Variants in PCDH15 observed in about 807,000 individuals in gnomAD.
PCDH15 encodes the protein protocadherin related 15.
Under a neutral mutation model 178.5 loss-of-function variants are expected in PCDH15, and 129 were observed. The observed-to-expected ratio is 0.72, with a 90% CI of 0.63 to 0.84. PCDH15 has a LOEUF of 0.84. Among genes scored for constraint, PCDH15 ranks in the 40% least tolerant of loss-of-function variants. PCDH15 has a pLI of 0.00. For missense variants in PCDH15, 2,230 were observed against 2,099.9 expected, an observed-to-expected ratio of 1.06 and a Z score of -1.21; for synonymous variants, 800 against 732.0, an observed-to-expected ratio of 1.09 and a Z score of -1.50.
At chr10:53,980,709 G>T (rs983969074) in intron 21 of PCDH15, among the ~76,000 whole-genome samples, 3 of 152,152 alleles carry the variant, frequency 2.0e-5, no homozygotes, top group African/African-American at 7.2e-5. Context: ...GTTTAAAGAG[G>T]TTAATTAACT....
intron 3 of PCDH15, among the ~76,000 whole-genome samples, chr10:54,477,377 C>G (rs746470254): frequency 6.6e-6 from 1 of 152,068 alleles, no homozygotes; most frequent in Non-Finnish European, 1.5e-5. Flanking sequence ...GGTTGGGCAT[C>G]CCTATTAGTG....
chr10:54,290,511 C>T (rs188484800), intron 8 of PCDH15, among the ~76,000 whole-genome samples: 55 of 152,274 alleles, frequency 3.6e-4, no homozygotes, highest in Non-Finnish European at 5.9e-4. Context: ...AACCAGCGAA[C>T]ATCATAATGA....
In PCDH15 at chr10:54,675,202, T is replaced by C. The variant is rs968440629; in HGVS notation, c.-28-10912A>G. Among the ~76,000 whole-genome samples the C allele has an allele frequency of 3.9e-5, 6 of 152,164 alleles. No homozygotes were observed. In the East Asian group the frequency reaches 1.2e-3, roughly 29 times the overall value. ...TAAATTCAAACTGCCTGTATAATATTGTATCCTATTAAAATGATACAGACA... is the reference window on the plus strand; with the variant it reads ...TAAATTCAAACTGCCTGTATAATATCGTATCCTATTAAAATGATACAGACA... On this transcript the variant is annotated intron_variant, in intron 1 of 37. Transcript: ENST00000644397.
intron 18 of PCDH15, among the ~76,000 whole-genome samples, chr10:54,041,359 C>A (rs1187296309): frequency 1.3e-5 from 2 of 152,050 alleles, no homozygotes; most frequent in Non-Finnish European, 2.9e-5. Flanking sequence ...TCAATTCATT[C>A]ATTTATTCAC....
intron 3 of PCDH15, among the ~76,000 whole-genome samples, chr10:54,405,708 A>G (rs1952569261): frequency 6.6e-6 from 1 of 151,640 alleles, no homozygotes; most frequent in Non-Finnish European, 1.5e-5. Flanking sequence ...TAAAAAAAAA[A>G]ACTAAAAATT....
In PCDH15 at chr10:54,369,163, G is replaced by GAGTTGTCA. The variant is rs2134714165; in HGVS notation, c.423_430dup (p.Ser144LeufsTer16). The GAGTTGTCA allele has an allele frequency of 3.7e-6, 6 of 1,612,950 alleles. No homozygotes were observed. Among genetic ancestry groups the GAGTTGTCA allele is most frequent in the Non-Finnish European group, 5.1e-6 (6 of 1,179,386 alleles). ...GTAGCTTTCATGCTTGAAAGTGGGTGAGTTGTCATTCCTGTCTCTCACCAC... is the reference window on the plus strand; with the variant it reads ...GTAGCTTTCATGCTTGAAAGTGGGTGAGTTGTCAAGTTGTCATTCCTGTCTCTCACCAC... On this transcript the variant is annotated frameshift_variant, in exon 5 of 38. Transcript: ENST00000644397. LOFTEE classifies it high-confidence loss of function.
intron 2 of PCDH15, among the ~76,000 whole-genome samples, chr10:54,935,637 C>A (rs998499722): frequency 6.6e-6 from 1 of 152,062 alleles, no homozygotes; most frequent in Non-Finnish European, 1.5e-5. Flanking sequence ...GGTAGCTTTA[C>A]CCTCTAAATT....
chr10:54,293,831 A>T (rs1022197066), intron 8 of PCDH15, among the ~76,000 whole-genome samples: 3 of 152,204 alleles, frequency 2.0e-5, no homozygotes, highest in African/African-American at 4.8e-5. Flanking sequence ...GATGCTGGAG[A>T]GGATATGAAG....
In PCDH15 at chr10:55,470,989, A is replaced by T. The variant is rs73261669; in HGVS notation, c.-156+156636T>A. ...TTCCTCCATGTCCTTTTATGTCTTG[A>T]TGGCTAATTTGTTTTTAATGCTGAA... On this transcript the variant is annotated intron_variant, in intron 2 of 5. Coordinates refer to the PCDH15 transcript ENST00000613346. Among the ~76,000 whole-genome samples, 989 of 151,988 alleles carry T rather than the reference A, an allele frequency of 6.5e-3. 15 individuals are homozygous for T. The highest frequency in any genetic ancestry group is 0.023 in the African/African-American group (936 of 41,458).
chr10:53,950,996 T>C (rs890004529), intron 23 of PCDH15, among the ~76,000 whole-genome samples: 6 of 152,160 alleles, frequency 3.9e-5, no homozygotes, highest in African/African-American at 1.4e-4. Flanking sequence ...TCTGTTTATG[T>C]TTGTATGAAG....
intron 1 of PCDH15, among the ~76,000 whole-genome samples, chr10:54,755,695 TCTAA>T (rs147578659): frequency 0.024 from 3,694 of 152,176 alleles, 129 homozygotes; most frequent in African/African-American, 0.08. Flanking sequence ...TACATAAAGA[TCTAA>T]CTGTGTATTT....
intron 1 of PCDH15, among the ~76,000 whole-genome samples, chr10:54,793,055 C>T (rs1951579509): frequency 6.6e-6 from 1 of 151,828 alleles, no homozygotes; most frequent in South Asian, 2.1e-4. Context: ...TGAGGATGAT[C>T]TTGTCAATTG....
At chr10:54,705,837 C>T (rs1000650805) in intron 1 of PCDH15, among the ~76,000 whole-genome samples, 1 of 152,100 alleles carries the variant, frequency 6.6e-6, no homozygotes, top group Non-Finnish European at 1.5e-5. Context: ...GATAGTTTTA[C>T]TCAAATTATA....
intron 2 of PCDH15, among the ~76,000 whole-genome samples, chr10:54,909,653 G>A (rs1410053729): frequency 6.6e-6 from 1 of 152,086 alleles, no homozygotes; most frequent in Admixed American, 6.6e-5. Context: ...TTGGGCAGCT[G>A]CAGCTGTGCC....
intron 26 of PCDH15, among the ~76,000 whole-genome samples, chr10:53,879,188 G>T (rs1464320264): frequency 2.6e-5 from 4 of 151,930 alleles, no homozygotes; most frequent in Non-Finnish European, 4.4e-5. Flanking sequence ...TTGGAAGCAG[G>T]ACCATTTTCT....
chr10:55,608,793 A>C (rs1843290098), intron 2 of PCDH15, among the ~76,000 whole-genome samples: 2 of 152,188 alleles, frequency 1.3e-5, no homozygotes, highest in Middle Eastern at 3.4e-3. Context: ...AGTGTGGGAT[A>C]AGAAAGCAAT....
intron 2 of PCDH15, among the ~76,000 whole-genome samples, chr10:55,480,221 G>A (rs1198537532): frequency 1.3e-5 from 2 of 151,608 alleles, no homozygotes; most frequent in African/African-American, 4.8e-5. Context: ...AGTGTAAGAA[G>A]CTCTGAGGCT....
intron 2 of PCDH15, among the ~76,000 whole-genome samples, chr10:55,363,882 C>T (rs1845290792): frequency 6.6e-6 from 1 of 152,092 alleles, no homozygotes; most frequent in Non-Finnish European, 1.5e-5. Flanking sequence ...AGTGATCAGC[C>T]CGCCTCAGCC....
At chr10:55,128,820 C>A (rs1203137386) in intron 2 of PCDH15, among the ~76,000 whole-genome samples, 1 of 151,772 alleles carries the variant, frequency 6.6e-6, no homozygotes, top group African/African-American at 2.4e-5. Context: ...GAGACTTCAA[C>A]CAACACTTTC....
Sources: allele counts gnomAD v4.1 joint callset (sites outside exome capture counted in the v4.1 genomes callset), GRCh38; gene constraint gnomAD v4.1.1; transcripts MANE v1.5; gene names NCBI Gene and HGNC (gene_info 2026-07-23, HGNC 2026-07-21).